Variants in FARS2 observed in about 807,000 individuals in gnomAD.
FARS2 encodes the protein phenylalanine--tRNA ligase, mitochondrial.
In FARS2, 40 loss-of-function variants were observed where a neutral mutation model predicts 46.4. The observed-to-expected ratio is 0.86, with a 90% CI of 0.67 to 1.12. The LOEUF (loss-of-function observed/expected upper bound fraction) is 1.12. Ranked by LOEUF, FARS2 falls within the 50% of genes most tolerant of loss-of-function variation. FARS2 has a pLI of 0.00. For synonymous variants in FARS2, 234 were observed against 214.9 expected (o/e 1.09, Z -0.78); for missense variants, 513 against 567.9 (o/e 0.90, Z 0.98).
At chr6:5,548,985 ATTC>A (rs1479944230) in intron 5 of FARS2, among the ~76,000 whole-genome samples, 4 of 152,316 alleles carry the variant, frequency 2.6e-5, no homozygotes, top group South Asian at 4.1e-4. Context: ...ATTAGTATCT[ATTC>A]TTGTTAGTTT....
intron 3 of FARS2, among the ~76,000 whole-genome samples, chr6:5,411,315 G>A (rs1030591970): frequency 1.3e-5 from 2 of 148,560 alleles, no homozygotes; most frequent in African/African-American, 2.5e-5. Flanking sequence ...ACAAAAAATC[G>A]TCTTCTCTCT....
At chr6:5,312,595 T>C (rs978990911) in intron 1 of FARS2, among the ~76,000 whole-genome samples, 2 of 152,200 alleles carry the variant, frequency 1.3e-5, no homozygotes, top group African/African-American at 4.8e-5. Flanking sequence ...GTAGGGGTTA[T>C]TCCCAGTGTG....
intron 6 of FARS2, among the ~76,000 whole-genome samples, chr6:5,652,820 G>T (rs955803145): frequency 6.6e-6 from 1 of 152,222 alleles, no homozygotes; most frequent in South Asian, 2.1e-4. Flanking sequence ...CTCCCGAGGC[G>T]CTAGCAAAGG....
intron 4 of FARS2, among the ~76,000 whole-genome samples, chr6:5,459,499 C>T (rs1293707890): frequency 6.6e-6 from 1 of 151,980 alleles, no homozygotes; most frequent in African/African-American, 2.4e-5. Context: ...CTCAGTGACC[C>T]AGCCACCTTT....
intron 4 of FARS2, chr6:5,431,653 A>G (rs1582085482): frequency 1.9e-6 from 1 of 532,426 alleles, no homozygotes; most frequent in African/African-American, 1.9e-5. Flanking sequence ...TTAATCCATC[A>G]CCTCCCTCTG....
At chr6:5,304,645 T>TTG (rs140011126) in intron 1 of FARS2, among the ~76,000 whole-genome samples, 1,896 of 152,134 alleles carry the variant, frequency 0.012, 16 homozygotes, top group Middle Eastern at 0.02. Context: ...ATGTTTGTGT[T>TTG]TGTGTTTGTG....
intron 4 of FARS2, among the ~76,000 whole-genome samples, chr6:5,469,115 C>T (rs1765671496): frequency 6.6e-6 from 1 of 152,226 alleles, no homozygotes; most frequent in South Asian, 2.1e-4. Flanking sequence ...GATGTCTTCA[C>T]AGAAACCAGT....
At chr6:5,340,022 ATGCCCACACTG>A (rs1771443096) in intron 1 of FARS2, among the ~76,000 whole-genome samples, 1 of 152,232 alleles carries the variant, frequency 6.6e-6, no homozygotes, top group South Asian at 2.1e-4. Flanking sequence ...GCCTAAGGAT[ATGCCCACACTG>A]TGGCCTCCGT....
intron 6 of FARS2, among the ~76,000 whole-genome samples, chr6:5,737,884 G>C (rs1761051384): frequency 1.3e-5 from 2 of 152,218 alleles, no homozygotes; most frequent in Admixed American, 1.3e-4. Context: ...GAAGAGCCCA[G>C]ATTCCCCATG....
At chr6:5,499,133 T>C (rs1169829388) in intron 4 of FARS2, among the ~76,000 whole-genome samples, 1 of 152,184 alleles carries the variant, frequency 6.6e-6, no homozygotes, top group African/African-American at 2.4e-5. Flanking sequence ...GGTGCCCTTT[T>C]CTTGTTAAAA....
upstream of FARS2, among the ~76,000 whole-genome samples, chr6:5,257,681 G>A (rs1325268732): frequency 6.6e-6 from 1 of 152,184 alleles, no homozygotes; most frequent in Non-Finnish European, 1.5e-5. Context: ...TGTGAACTGT[G>A]CATGTGAGTG....
At chr6:5,539,380 T>TTTG (rs1554106762) in intron 4 of FARS2, among the ~76,000 whole-genome samples, 5 of 79,846 alleles carry the variant, frequency 6.3e-5, no homozygotes, top group African/African-American at 2.8e-4. Context: ...CTAATTTTTT[T>TTTG]TGTGTATATA....
chr6:5,558,513 GA>G (rs1353151717), intron 5 of FARS2, among the ~76,000 whole-genome samples: 3 of 151,938 alleles, frequency 2.0e-5, no homozygotes, highest in Non-Finnish European at 2.9e-5. Flanking sequence ...CAATATTAGA[GA>G]AGAATTTATT....
intron 6 of FARS2, among the ~76,000 whole-genome samples, chr6:5,657,859 T>C (rs571498923): frequency 6.6e-6 from 1 of 152,304 alleles, no homozygotes; most frequent in Admixed American, 6.5e-5. Context: ...TTGCCTAGAT[T>C]CAAATTTTGG....
At chr6:5,635,196 G>A (rs1411132158) in intron 6 of FARS2, among the ~76,000 whole-genome samples, 1 of 152,178 alleles carries the variant, frequency 6.6e-6, no homozygotes, top group East Asian at 1.9e-4. Context: ...TGATGGTGCT[G>A]GTTACATCCT....
At chr6:5,760,854 G>C (rs1412457539) in intron 6 of FARS2, among the ~76,000 whole-genome samples, 1 of 152,200 alleles carries the variant, frequency 6.6e-6, no homozygotes, top group Non-Finnish European at 1.5e-5. Flanking sequence ...AAACTGCTCT[G>C]ATCGCTCCTG....
intron 6 of FARS2, among the ~76,000 whole-genome samples, chr6:5,724,629 C>T (rs1760134103): frequency 6.6e-6 from 1 of 152,200 alleles, no homozygotes; most frequent in South Asian, 2.1e-4. Flanking sequence ...TCTACGGGGG[C>T]CAGCCGAGGC....
At chr6:5,420,091 A>C (rs1762460903) in intron 3 of FARS2, among the ~76,000 whole-genome samples, 1 of 152,224 alleles carries the variant, frequency 6.6e-6, no homozygotes, top group African/African-American at 2.4e-5. Context: ...CAGGCAAGAA[A>C]AGAGAGCTTG....
At chr6:5,758,679 A>G (rs1352766954) in intron 6 of FARS2, among the ~76,000 whole-genome samples, 3 of 152,198 alleles carry the variant, frequency 2.0e-5, no homozygotes, top group Non-Finnish European at 2.9e-5. Context: ...AGTTCCCATC[A>G]TATCTTCAAC....
Sources: gnomAD v4.1 joint callset for allele counts (sites outside exome capture counted in the v4.1 genomes callset) on GRCh38, gnomAD v4.1.1 for gene constraint, MANE v1.5 for transcripts, NCBI Gene and HGNC (gene_info 2026-07-23, HGNC 2026-07-21) for gene names.